MIPOL1: variants seen among roughly 807,000 people sequenced by gnomAD.
MIPOL1 encodes mirror-image polydactyly 1, also known as mirror-image polydactyly gene 1 protein.
Under a neutral mutation model 60.9 loss-of-function variants are expected in MIPOL1, and 57 were observed. The observed-to-expected ratio is 0.94, with a 90% CI of 0.76 to 1.17. The LOEUF (loss-of-function observed/expected upper bound fraction) is 1.17, where lower values mean the gene tolerates loss of function less well. Ranked by LOEUF, MIPOL1 falls within the 50% of genes most tolerant of loss-of-function variation. The pLI, the probability that MIPOL1 is intolerant of heterozygous loss-of-function variation, is 0.00. For missense variants in MIPOL1, 551 were observed against 511.6 expected (o/e 1.08, Z -0.74); for synonymous variants, 179 against 168.8 (o/e 1.06, Z -0.47).
At chr14:37,234,942 AT>A (rs5807941) in intron 1 of MIPOL1, among the ~76,000 whole-genome samples, 3,600 of 116,804 alleles carry the variant, frequency 0.031, 51 homozygotes, top group African/African-American at 0.07. Context: ...CGTACGGCTA[AT>A]TTTTTTTTTT....
chr14:37,502,900 A>G (rs2095234747), intron 12 of MIPOL1: 2 of 152,220 alleles, frequency 1.3e-5, no homozygotes, highest in South Asian at 4.1e-4. Flanking sequence ...ATGGCTAACT[A>G]GAATAAACAG....
At chr14:37,476,571 A>G (rs1040356664) in intron 11 of MIPOL1, among the ~76,000 whole-genome samples, 1 of 152,158 alleles carries the variant, frequency 6.6e-6, no homozygotes. Context: ...TATGGTTTTT[A>G]TAGATGTTCT....
At chr14:37,533,657 A>T (rs779186375) in intron 12 of MIPOL1, among the ~76,000 whole-genome samples, 3 of 152,194 alleles carry the variant, frequency 2.0e-5, no homozygotes, top group Non-Finnish European at 4.4e-5. Flanking sequence ...TTTAAAAAAT[A>T]CCACTGATGT....
intron 9 of MIPOL1, among the ~76,000 whole-genome samples, chr14:37,362,856 T>C (rs144069872): frequency 1.4e-3 from 217 of 152,314 alleles, no homozygotes; most frequent in African/African-American, 4.8e-3. Flanking sequence ...ATTTCATTAA[T>C]TTGATCTTCT....
intron 9 of MIPOL1, among the ~76,000 whole-genome samples, chr14:37,343,703 A>T (rs1227935615): frequency 6.6e-6 from 1 of 152,208 alleles, no homozygotes; most frequent in Non-Finnish European, 1.5e-5. Context: ...AGTAAAGAAC[A>T]TAGAACAGAA....
chr14:37,238,617 A>G (rs1428621491), intron 1 of MIPOL1, among the ~76,000 whole-genome samples: 2 of 152,112 alleles, frequency 1.3e-5, no homozygotes, highest in Admixed American at 6.5e-5. Flanking sequence ...ATTATGTTAT[A>G]TAAATCACCA....
At chr14:37,512,529 T>C (rs1460528270) in intron 12 of MIPOL1, among the ~76,000 whole-genome samples, 1 of 152,256 alleles carries the variant, frequency 6.6e-6, no homozygotes, top group South Asian at 2.1e-4. Flanking sequence ...CTAGATTTTT[T>C]ACTTTTGTTG....
At chr14:37,512,964 C>T (rs957339587) in intron 12 of MIPOL1, among the ~76,000 whole-genome samples, 1 of 151,904 alleles carries the variant, frequency 6.6e-6, no homozygotes, top group African/African-American at 2.4e-5. Context: ...AGTAATAAGT[C>T]GAATAGTTAT....
intron 6 of MIPOL1, among the ~76,000 whole-genome samples, chr14:37,282,420 G>A (rs1801610403): frequency 1.3e-5 from 2 of 151,924 alleles, no homozygotes; most frequent in South Asian, 4.2e-4. Flanking sequence ...CCCAAGGATT[G>A]TTGCAGATTA....
intron 11 of MIPOL1, among the ~76,000 whole-genome samples, chr14:37,443,249 A>G (rs954141120): frequency 6.6e-6 from 1 of 152,076 alleles, no homozygotes; most frequent in Non-Finnish European, 1.5e-5. Context: ...GCTTTAGACC[A>G]GGAGTTTGAG....
chr14:37,294,929 A>G (rs2085482826), intron 7 of MIPOL1, among the ~76,000 whole-genome samples: 1 of 152,204 alleles, frequency 6.6e-6, no homozygotes, highest in East Asian at 1.9e-4. Flanking sequence ...GCAGGTCACT[A>G]TTCAAATTCA....
At chr14:37,532,013 CTATG>C (rs1237385315) in intron 12 of MIPOL1, among the ~76,000 whole-genome samples, 4 of 152,136 alleles carry the variant, frequency 2.6e-5, no homozygotes, top group Admixed American at 2.6e-4. Flanking sequence ...TGGAGGGTGA[CTATG>C]TATTACTTAC....
chr14:37,540,456 T>A (rs1566795764), intron 12 of MIPOL1, among the ~76,000 whole-genome samples: 1 of 152,214 alleles, frequency 6.6e-6, no homozygotes, highest in African/African-American at 2.4e-5. Flanking sequence ...TTTATATCTA[T>A]CTGTGTGCAT....
intron 4 of MIPOL1, among the ~76,000 whole-genome samples, chr14:37,268,433 C>G (rs1048023966): frequency 6.6e-6 from 1 of 152,078 alleles, no homozygotes; most frequent in Non-Finnish European, 1.5e-5. Flanking sequence ...GTAAATAGAG[C>G]TGCACTGACT....
chr14:37,316,976 T>TAAACAAAC (rs530262345), intron 9 of MIPOL1, among the ~76,000 whole-genome samples: 10 of 152,074 alleles, frequency 6.6e-5, no homozygotes, highest in South Asian at 2.1e-4. Flanking sequence ...AGACTCCATC[T>TAAACAAAC]AAACAAACAA....
At chr14:37,479,740 A>G (rs956700965) in intron 11 of MIPOL1, among the ~76,000 whole-genome samples, 9 of 152,130 alleles carry the variant, frequency 5.9e-5, no homozygotes, top group Non-Finnish European at 7.3e-5. Flanking sequence ...CAAAAGATCA[A>G]TGAAACTAAG....
chr14:37,217,179 C>A (rs560174931), intron 1 of MIPOL1, among the ~76,000 whole-genome samples: 11 of 152,202 alleles, frequency 7.2e-5, no homozygotes, highest in African/African-American at 2.4e-4. Flanking sequence ...TACCTACAAC[C>A]TACAATGTTT....
intron 11 of MIPOL1, among the ~76,000 whole-genome samples, chr14:37,497,357 T>C (rs1034840085): frequency 6.6e-6 from 1 of 152,228 alleles, no homozygotes; most frequent in African/African-American, 2.4e-5. Context: ...GCTTTAGGCA[T>C]GATAGGCAAA....
intron 12 of MIPOL1, among the ~76,000 whole-genome samples, chr14:37,519,801 A>G (rs915040370): frequency 2.0e-5 from 3 of 152,158 alleles, no homozygotes; most frequent in African/African-American, 4.8e-5. Context: ...TTTTATGTTT[A>G]GAAATGATAG....
Sources: allele counts gnomAD v4.1 joint callset (sites outside exome capture counted in the v4.1 genomes callset), GRCh38; gene constraint gnomAD v4.1.1; transcripts MANE v1.5; gene names NCBI Gene and HGNC (gene_info 2026-07-23, HGNC 2026-07-21).